Variants in ESRRG observed in about 807,000 individuals in gnomAD.
ESRRG encodes estrogen-related receptor gamma.
In ESRRG, 13 loss-of-function variants were observed where a neutral mutation model predicts 44.0. The observed-to-expected ratio is 0.30, with a 90% CI of 0.19 to 0.47. The LOEUF (loss-of-function observed/expected upper bound fraction) is 0.47, where lower values mean the gene tolerates loss of function less well. Among genes scored for constraint, ESRRG ranks in the 20% least tolerant of loss-of-function variants. ESRRG has a pLI of 1.00. For missense variants in ESRRG, 395 were observed against 580.6 expected (o/e 0.68, Z 3.29); for synonymous variants, 215 against 214.6 (o/e 1.00, Z -0.02).
At chr1:216,586,284 G>T (rs1198671975) in intron 3 of ESRRG, among the ~76,000 whole-genome samples, 1 of 151,980 alleles carries the variant, frequency 6.6e-6, no homozygotes, top group Non-Finnish European at 1.5e-5. Context: ...TTTTTAAGAC[G>T]CTGGAATAAA....
chr1:216,684,488 A>C (rs889058947), intron 1 of ESRRG, among the ~76,000 whole-genome samples: 2 of 152,208 alleles, frequency 1.3e-5, no homozygotes, highest in African/African-American at 4.8e-5. Context: ...CAAATCAATA[A>C]AACTGTTAAA....
intron 1 of ESRRG, among the ~76,000 whole-genome samples, chr1:217,133,298 A>G (rs1430278616): frequency 6.6e-6 from 1 of 152,270 alleles, no homozygotes; most frequent in African/African-American, 2.4e-5. Flanking sequence ...TGAAAGCGGA[A>G]TGAATGATTT....
At chr1:216,735,750 G>A (rs2089744380) in intron 2 of ESRRG, among the ~76,000 whole-genome samples, 1 of 151,958 alleles carries the variant, frequency 6.6e-6, no homozygotes, top group Admixed American at 6.6e-5. Flanking sequence ...GGAGACCAAG[G>A]TGGGTGGATC....
chr1:216,879,522 G>A (rs1049112654), intron 2 of ESRRG, among the ~76,000 whole-genome samples: 2 of 147,448 alleles, frequency 1.4e-5, no homozygotes, highest in Non-Finnish European at 3.0e-5. Flanking sequence ...GAAGAAAAAG[G>A]CAGTTTAAAA....
intron 1 of ESRRG, among the ~76,000 whole-genome samples, chr1:216,684,300 G>A (rs771837781): frequency 1.3e-5 from 2 of 152,196 alleles, no homozygotes; most frequent in African/African-American, 2.4e-5. Flanking sequence ...AAATGGTCCT[G>A]TGATATCACA....
chr1:216,731,972 C>T (rs1173749822), intron 2 of ESRRG, among the ~76,000 whole-genome samples: 1 of 151,494 alleles, frequency 6.6e-6, no homozygotes, highest in Admixed American at 6.6e-5. Context: ...TAAATCAGAA[C>T]GTTAAACAAA....
At chr1:216,783,982 C>T (rs2094029822) in intron 2 of ESRRG, among the ~76,000 whole-genome samples, 2 of 152,084 alleles carry the variant, frequency 1.3e-5, no homozygotes, top group African/African-American at 2.4e-5. Flanking sequence ...ATTTTGGGTG[C>T]CATGTACTTG....
chr1:216,589,080 A>G (rs1474987082), intron 3 of ESRRG, among the ~76,000 whole-genome samples: 1 of 152,252 alleles, frequency 6.6e-6, no homozygotes, highest in Non-Finnish European at 1.5e-5. Context: ...GTTTCTAAAG[A>G]AAGATAAGAA....
chr1:217,014,510 T>C (rs541353959), intron 1 of ESRRG, among the ~76,000 whole-genome samples: 1 of 152,306 alleles, frequency 6.6e-6, no homozygotes, highest in Non-Finnish European at 1.5e-5. Context: ...CTTTCTCTCA[T>C]TGGTTGTTTG....
At chr1:217,048,293 G>C (rs1001266688) in intron 1 of ESRRG, among the ~76,000 whole-genome samples, 1 of 152,038 alleles carries the variant, frequency 6.6e-6, no homozygotes, top group African/African-American at 2.4e-5. Flanking sequence ...GAGAGTAGAG[G>C]GTATTCTGTT....
intron 1 of ESRRG, among the ~76,000 whole-genome samples, chr1:216,965,082 T>G (rs1243485198): frequency 6.6e-6 from 1 of 152,158 alleles, no homozygotes; most frequent in Non-Finnish European, 1.5e-5. Flanking sequence ...GAAGCTAGTT[T>G]TGGCTAACCA....
At chr1:216,762,269 G>A (rs553368129) in intron 2 of ESRRG, among the ~76,000 whole-genome samples, 9 of 151,888 alleles carry the variant, frequency 5.9e-5, no homozygotes, top group South Asian at 2.1e-4. Context: ...TGTTTATTGC[G>A]GCATTATTCA....
At chr1:216,843,965 A>G (rs534053412) in intron 2 of ESRRG, among the ~76,000 whole-genome samples, 1 of 151,680 alleles carries the variant, frequency 6.6e-6, no homozygotes, top group South Asian at 2.1e-4. Context: ...GAATCCAAGT[A>G]TTGTCCTCAT....
At chr1:217,013,061 T>A (rs1216522253) in intron 1 of ESRRG, among the ~76,000 whole-genome samples, 1 of 152,216 alleles carries the variant, frequency 6.6e-6, no homozygotes, top group Non-Finnish European at 1.5e-5. Flanking sequence ...AAATTTCTCC[T>A]TTTTTATAAG....
intron 1 of ESRRG, among the ~76,000 whole-genome samples, chr1:216,953,106 A>G (rs2067258705): frequency 6.6e-6 from 1 of 152,174 alleles, no homozygotes; most frequent in African/African-American, 2.4e-5. Context: ...CAGCCAGTCG[A>G]AATGGTAGCT....
In ESRRG at chr1:216,787,200, C is replaced by T. The variant is rs888696801; in HGVS notation, c.-13-109709G>A. On this transcript the variant is annotated intron_variant, in intron 2 of 7. Coordinates refer to the ESRRG transcript ENST00000359162. ...CAAGCCAGGAAACTTAATTGATAAACGTTGTGTCTGTTTGAACTGCTCCAA... is the reference window on the plus strand; with the variant it reads ...CAAGCCAGGAAACTTAATTGATAAATGTTGTGTCTGTTTGAACTGCTCCAA... Among the ~76,000 whole-genome samples the T allele has an allele frequency of 8.5e-5, 13 of 152,214 alleles. No individual in the cohort carries two copies. The South Asian group carries it at 2.5e-3, about 29-fold the overall frequency.
intron 2 of ESRRG, among the ~76,000 whole-genome samples, chr1:216,903,400 C>CAT (rs2149503442): frequency 6.7e-6 from 1 of 148,854 alleles, no homozygotes; most frequent in East Asian, 2.0e-4. Flanking sequence ...GCTGTATGTG[C>CAT]ATATATATGT....
Position 216,506,783 on chromosome 1 carries a change from A to G in ESRRG, c.*156T>C, listed in dbSNP as rs182373024. 1.8e-3 allele frequency: 1,334 copies of G among 744,080 alleles called. 2 individuals are homozygous for G. The highest frequency in any genetic ancestry group is 2.7e-3 in the Non-Finnish European group (1,215 of 449,274). The allele number at this position is 744,080 out of a possible 1,614,324, so 46.1% of individuals were successfully genotyped here. On this transcript the variant is annotated 3_prime_UTR_variant, in exon 7 of 7. Coordinates refer to ENST00000408911, the MANE Select transcript of ESRRG (RefSeq NM_001438.4). Reference sequence around the variant, plus strand: ...GAAACTCATCAGGAACCTATGGAGGAATCTGAAAGCTGCTTCATAGTCTTG... The same window carrying G: ...GAAACTCATCAGGAACCTATGGAGGGATCTGAAAGCTGCTTCATAGTCTTG...
chr1:216,658,814 G>A (rs1167155478), intron 2 of ESRRG, among the ~76,000 whole-genome samples: 1 of 149,452 alleles, frequency 6.7e-6, no homozygotes, highest in Non-Finnish European at 1.5e-5. Context: ...GCCTGGGTGT[G>A]AAAGCAAGAC....
Sources: allele counts gnomAD v4.1 joint callset (sites outside exome capture counted in the v4.1 genomes callset), GRCh38; gene constraint gnomAD v4.1.1; transcripts MANE v1.5; gene names NCBI Gene and HGNC (gene_info 2026-07-23, HGNC 2026-07-21).